The following PRKAR2A variants were observed in gnomAD, a reference collection of about 807,000 sequenced individuals.
PRKAR2A encodes cAMP-dependent protein kinase type II-alpha regulatory subunit.
PRKAR2A carries 29 observed loss-of-function variants against 51.9 expected under a neutral mutation model. The ratio of observed to expected loss-of-function variants is 0.56; its 90% CI spans 0.42 to 0.76. The LOEUF is 0.76. Ranked by LOEUF, PRKAR2A falls within the 30% of genes least tolerant of loss-of-function variation. The pLI is 0.00. For synonymous variants in PRKAR2A, 178 were observed against 186.2 expected (o/e 0.96, Z 0.36); for missense variants, 445 against 512.1 (o/e 0.87, Z 1.26).
At chr3:48,846,317 G>A (rs1341370785) in intron 1 of PRKAR2A, among the ~76,000 whole-genome samples, 1 of 151,462 alleles carries the variant, frequency 6.6e-6, no homozygotes, top group Admixed American at 6.6e-5. Context: ...CCAGGTTCAA[G>A]CGATTCTCCC....
At chr3:48,773,425 G>GCT (rs1485781238) in intron 5 of PRKAR2A, among the ~76,000 whole-genome samples, 1 of 141,996 alleles carries the variant, frequency 7.0e-6, no homozygotes, top group Non-Finnish European at 1.5e-5. Context: ...CTCACTGCAA[G>GCT]CTCCACCTCC....
chr3:48,790,412 T>C, intron 4 of PRKAR2A, 132 bp downstream of exon 4: 1 of 530,318 alleles, frequency 1.9e-6, no homozygotes, highest in Non-Finnish European at 3.2e-6. Context: ...AAAACATCTG[T>C]ATGTAAGATG....
intron 1 of PRKAR2A, among the ~76,000 whole-genome samples, chr3:48,817,325 CAATAAATA>C (rs10545720): frequency 0.61 from 84,075 of 138,740 alleles, 26,011 homozygotes; most frequent in East Asian, 0.87. Flanking sequence ...GACTACGTCT[CAATAAATA>C]AATAAATAAA....
chr3:48,806,673 T>C (rs2082679485), intron 2 of PRKAR2A, among the ~76,000 whole-genome samples: 1 of 152,168 alleles, frequency 6.6e-6, no homozygotes, highest in Admixed American at 6.5e-5. Context: ...TACCCAAACT[T>C]ATTTTTAAAA....
chr3:48,800,499 G>A (rs1193445295), intron 2 of PRKAR2A, among the ~76,000 whole-genome samples: 3 of 149,454 alleles, frequency 2.0e-5, no homozygotes, highest in Non-Finnish European at 4.4e-5. Flanking sequence ...GTAACAGAGC[G>A]AGACTCCGTC....
intron 8 of PRKAR2A, among the ~76,000 whole-genome samples, chr3:48,763,245 C>T (rs2081889540): frequency 6.6e-6 from 1 of 152,076 alleles, no homozygotes; most frequent in South Asian, 2.1e-4. Flanking sequence ...TGCTGCTGGT[C>T]CTGGGACCTC....
chr3:48,804,562 G>C (rs2082644262), intron 2 of PRKAR2A, among the ~76,000 whole-genome samples: 1 of 152,204 alleles, frequency 6.6e-6, no homozygotes, highest in African/African-American at 2.4e-5. Flanking sequence ...TAGTAAGGAA[G>C]AAGTGGGGAA....
chr3:48,825,666 A>T (rs1009409480), intron 1 of PRKAR2A, among the ~76,000 whole-genome samples: 1 of 152,120 alleles, frequency 6.6e-6, no homozygotes, highest in East Asian at 1.9e-4. Flanking sequence ...AAATTAAATT[A>T]AAAAATAGAC....
intron 1 of PRKAR2A, among the ~76,000 whole-genome samples, chr3:48,813,232 CAAAAAAAAAAAAA>C (rs35033928): frequency 1.2e-5 from 1 of 80,452 alleles, no homozygotes; most frequent in Non-Finnish European, 2.6e-5. Flanking sequence ...CTATCTCTAC[CAAAAAAAAAAAAA>C]AAAAAAAAAT....
intron 2 of PRKAR2A, among the ~76,000 whole-genome samples, chr3:48,803,786 T>C (rs1349332230): frequency 6.6e-6 from 1 of 152,098 alleles, no homozygotes; most frequent in Non-Finnish European, 1.5e-5. Context: ...GGCAGGCAGA[T>C]TACTTGAGGC....
At chr3:48,776,134 G>T (rs573698433) in intron 5 of PRKAR2A, among the ~76,000 whole-genome samples, 1 of 151,534 alleles carries the variant, frequency 6.6e-6, no homozygotes, top group African/African-American at 2.4e-5. Flanking sequence ...ACAAACAAAC[G>T]ATACAATTAT....
intron 1 of PRKAR2A, among the ~76,000 whole-genome samples, chr3:48,822,173 T>G (rs2082977874): frequency 7.1e-6 from 1 of 141,444 alleles, no homozygotes; most frequent in Non-Finnish European, 1.5e-5. Context: ...ATTGCACCAT[T>G]GCACTCCAGC....
intron 1 of PRKAR2A, among the ~76,000 whole-genome samples, chr3:48,812,119 C>T (rs563807618): frequency 7.3e-5 from 11 of 151,194 alleles, no homozygotes; most frequent in Non-Finnish European, 1.2e-4. Context: ...TAAATTATAT[C>T]TCAATAAAGC....
chr3:48,840,556 TTTG>T (rs1246287172), intron 1 of PRKAR2A, among the ~76,000 whole-genome samples: 3 of 147,704 alleles, frequency 2.0e-5, no homozygotes, highest in East Asian at 4.0e-4. Flanking sequence ...GGATACCTGG[TTTG>T]TTTTCACCTT....
chr3:48,796,963 C>T (rs1432204173), intron 2 of PRKAR2A, among the ~76,000 whole-genome samples: 2 of 151,776 alleles, frequency 1.3e-5, no homozygotes, highest in African/African-American at 4.8e-5. Flanking sequence ...CCTTTCTAGT[C>T]TTCACTCCTC....
At chr3:48,798,407 T>C (rs934813774) in intron 2 of PRKAR2A, among the ~76,000 whole-genome samples, 2 of 152,216 alleles carry the variant, frequency 1.3e-5, no homozygotes, top group Admixed American at 1.3e-4. Context: ...CAGACTAATT[T>C]TCTAAACTAG....
chr3:48,766,597 T>A (rs902598871), intron 6 of PRKAR2A, among the ~76,000 whole-genome samples: 1 of 151,916 alleles, frequency 6.6e-6, no homozygotes, highest in African/African-American at 2.4e-5. Context: ...ATAAAAAGTC[T>A]ACAGTTCAAG....
At chr3:48,804,409 C>A (rs1160061854) in intron 2 of PRKAR2A, among the ~76,000 whole-genome samples, 1 of 151,682 alleles carries the variant, frequency 6.6e-6, no homozygotes, top group Non-Finnish European at 1.5e-5. Flanking sequence ...TGCAATGAGC[C>A]GTGATCATGC....
chr3:48,830,215 A>C (rs937416358), intron 1 of PRKAR2A, among the ~76,000 whole-genome samples: 3 of 152,112 alleles, frequency 2.0e-5, no homozygotes, highest in Admixed American at 2.0e-4. Flanking sequence ...AAAAAAAAAA[A>C]AAACTAAGAC....
Sources: gnomAD v4.1 joint callset for allele counts (sites outside exome capture counted in the v4.1 genomes callset) on GRCh38, gnomAD v4.1.1 for gene constraint, MANE v1.5 for transcripts, NCBI Gene and HGNC (gene_info 2026-07-23, HGNC 2026-07-21) for gene names.